NWD2: variants seen among roughly 807,000 people sequenced by gnomAD.
The protein encoded by NWD2 is NACHT and WD repeat domain-containing protein 2.
NWD2 carries 37 observed loss-of-function variants against 132.7 expected under a neutral mutation model. The ratio of observed to expected loss-of-function variants is 0.28; its 90% confidence interval spans 0.21 to 0.37. The LOEUF is 0.37. Among genes scored for constraint, NWD2 ranks in the 10% least tolerant of loss-of-function variants. The pLI is 1.00. For synonymous variants in NWD2, 705 were observed against 803.0 expected (o/e 0.88, Z 2.06); for missense variants, 1,592 against 2,122.4 (o/e 0.75, Z 4.91).
intron 3 of NWD2, among the ~76,000 whole-genome samples, chr4:37,374,258 T>C (rs1381477784): frequency 2.6e-5 from 4 of 152,342 alleles, no homozygotes; most frequent in Non-Finnish European, 4.4e-5. Flanking sequence ...ATGACACACC[T>C]GCTCCCCTTT....
At chr4:37,339,954 G>GTT (rs3028269) in intron 2 of NWD2, among the ~76,000 whole-genome samples, 6 of 126,690 alleles carry the variant, frequency 4.7e-5, no homozygotes, top group African/African-American at 5.8e-5. Context: ...GTTTCTGGTT[G>GTT]TTTTTTTTTT....
Position 37,446,808 on chromosome 4 carries a change from G to A in NWD2, c.4820G>A (p.Gly1607Asp). ...FSLIVMRLAD[G>D]KNIGACSLYK... ...TTAATTGTAATGAGACTGGCAGATG[G>A]CAAAAATATCGGTGCTTGTTCCCTT... Residue 1607 changes from glycine (G) to aspartate (D), a missense_variant, in exon 7 of 7, where the codon GGC becomes GAC. Gly to Asp is a moderately conservative substitution (Grantham distance 94). Coordinates refer to ENST00000309447, the MANE Select transcript of NWD2 (RefSeq NM_001144990.2). The surrounding 1 kb of genome is among the most constrained non-coding windows in gnomAD (Gnocchi z 6.7). 1 of 1,551,910 alleles carries A rather than the reference G, an allele frequency of 6.4e-7. No homozygotes were observed.
intron 3 of NWD2, among the ~76,000 whole-genome samples, chr4:37,404,116 A>T (rs1402240344): frequency 2.0e-5 from 3 of 152,194 alleles, no homozygotes; most frequent in Non-Finnish European, 4.4e-5. Flanking sequence ...ATAGAGAATA[A>T]TGGACAGGAT....
At chr4:37,354,075 A>G (rs1719823749) in intron 2 of NWD2, among the ~76,000 whole-genome samples, 1 of 151,898 alleles carries the variant, frequency 6.6e-6, no homozygotes, top group Non-Finnish European at 1.5e-5. Context: ...TCTGTTTGTT[A>G]GTTTTCCTTC....
intron 1 of NWD2, among the ~76,000 whole-genome samples, chr4:37,271,946 G>T (rs950346739): frequency 1.3e-5 from 2 of 151,692 alleles, no homozygotes; most frequent in African/African-American, 4.8e-5. Flanking sequence ...GTTTTTTGTA[G>T]TGCCCATTTA....
intron 1 of NWD2, among the ~76,000 whole-genome samples, chr4:37,259,989 T>C (rs1717596145): frequency 6.6e-6 from 1 of 152,222 alleles, no homozygotes; most frequent in Admixed American, 6.5e-5. Flanking sequence ...TCTGGCTGCA[T>C]TATGACTTTG....
chr4:37,290,721 T>G (rs1478051969), intron 1 of NWD2, among the ~76,000 whole-genome samples: 1 of 152,154 alleles, frequency 6.6e-6, no homozygotes, highest in Non-Finnish European at 1.5e-5. Context: ...AAAGGTGAAG[T>G]CTGCAGAAAG....
intron 1 of NWD2, among the ~76,000 whole-genome samples, chr4:37,278,655 A>G (rs925815546): frequency 2.0e-5 from 3 of 152,194 alleles, no homozygotes; most frequent in African/African-American, 7.2e-5. Flanking sequence ...GTTTTGATCA[A>G]TCCACCAGCC....
At position 37,447,208 on chromosome 4, in the gene NWD2, T is replaced by G. The variant is rs1712662497; in HGVS notation, c.5220T>G (p.Pro1740=). The G allele has an allele frequency of 1.9e-6, 3 of 1,543,956 alleles. No individual in the cohort carries two copies. Among genetic ancestry groups the G allele is most frequent in the Non-Finnish European group, 2.6e-6 (3 of 1,142,432 alleles). ...AAGCCAGGGGCCACAGCTATGCCCC[T>G]GATAACTGACAAAATGTTTTCCAGC... ...ALEARGHSYA[P]DN The change falls in exon 7 of 7, where the codon CCT becomes CCG. Residue 1740 remains proline, a synonymous_variant. Transcript: ENST00000309447.
intron 3 of NWD2, among the ~76,000 whole-genome samples, chr4:37,360,687 G>A (rs535440879): frequency 3.9e-5 from 6 of 152,106 alleles, no homozygotes; most frequent in African/African-American, 1.4e-4. Flanking sequence ...CCTACTTGTC[G>A]CATTCCCTAG....
intron 1 of NWD2, among the ~76,000 whole-genome samples, chr4:37,264,252 A>G (rs546970719): frequency 2.0e-5 from 3 of 152,270 alleles, no homozygotes; most frequent in Non-Finnish European, 4.4e-5. Flanking sequence ...TGGCTTTCTG[A>G]AGGTTAAATA....
intron 1 of NWD2, among the ~76,000 whole-genome samples, chr4:37,267,180 A>G (rs950604815): frequency 6.6e-6 from 1 of 152,080 alleles, no homozygotes; most frequent in Non-Finnish European, 1.5e-5. Flanking sequence ...GTACGGCTAG[A>G]AATAATAAAT....
rs148723963 is a variant in NWD2, at chr4:37,346,442, G to T, written c.241-9924G>T. Reference sequence around the variant, plus strand: ...TTTGTAGTAAGTTTGAAATCCAGAAGTGTGAGTTCTTCAACTTTATTCTTC... The same window carrying T: ...TTTGTAGTAAGTTTGAAATCCAGAATTGTGAGTTCTTCAACTTTATTCTTC... On this transcript the variant is annotated intron_variant, in intron 2 of 6. Transcript: ENST00000309447. 1.6e-3 allele frequency among the ~76,000 whole-genome samples: 250 copies of T among 152,294 alleles called. 2 individuals carry two copies. The highest frequency in any genetic ancestry group is 5.7e-3 in the African/African-American group (235 of 41,572).
intron 3 of NWD2, among the ~76,000 whole-genome samples, chr4:37,364,283 C>T (rs1328667752): frequency 6.6e-6 from 1 of 152,208 alleles, no homozygotes. Flanking sequence ...CATCTCACTA[C>T]AGTTCCTCAA....
At position 37,245,211 on chromosome 4, in the gene NWD2, C is replaced by T; in HGVS notation, c.144C>T (p.Asn48=). Residue 48 remains asparagine, a synonymous_variant, in exon 1 of 7, where the codon AAC becomes AAT. Coordinates refer to ENST00000309447, the MANE Select transcript of NWD2 (RefSeq NM_001144990.2). Reference sequence around the variant, plus strand: ...GCGTCCGGGTCTTCATCAGCGCCAACCCTGAAGGTACGTCCCTCGCTCGGG... The same window carrying T: ...GCGTCCGGGTCTTCATCAGCGCCAATCCTGAAGGTACGTCCCTCGCTCGGG... The part of the protein sequence containing the change: ...GRSVRVFISA[N]PEDTGAERQA... 6.5e-7 allele frequency: 1 copy of T among 1,538,776 alleles called. No homozygotes were observed. Among genetic ancestry groups the T allele is most frequent in the South Asian group, 1.2e-5 (1 of 83,574 alleles).
chr4:37,286,356 T>A (rs1482435005), intron 1 of NWD2, among the ~76,000 whole-genome samples: 1 of 152,212 alleles, frequency 6.6e-6, no homozygotes, highest in East Asian at 1.9e-4. Flanking sequence ...TCCTTAATGC[T>A]TGAGTTAGCT....
At chr4:37,276,751 G>T (rs865850717) in intron 1 of NWD2, among the ~76,000 whole-genome samples, 1 of 152,050 alleles carries the variant, frequency 6.6e-6, no homozygotes. Context: ...GTCCAACAAT[G>T]ATAGATTGGA....
At chr4:37,370,016 C>T (rs1416052962) in intron 3 of NWD2, among the ~76,000 whole-genome samples, 7 of 152,116 alleles carry the variant, frequency 4.6e-5, no homozygotes, top group South Asian at 4.1e-4. Flanking sequence ...AGCATCTGTG[C>T]GGGATGTGCA....
Position 37,278,033 on chromosome 4 carries a change from A to G in NWD2, c.151+32815A>G, listed in dbSNP as rs1718059147. ...TTTTAGGTCAGTTTTCCTAGGGGTCATCTCATATGTCTGTGTAGTTTGGTG... is the reference window on the plus strand; with the variant it reads ...TTTTAGGTCAGTTTTCCTAGGGGTCGTCTCATATGTCTGTGTAGTTTGGTG... On this transcript the variant is annotated intron_variant, in intron 1 of 6. Transcript: ENST00000309447. 2.0e-5 allele frequency among the ~76,000 whole-genome samples: 3 copies of G among 152,138 alleles called. 1 individual carries two copies. Among genetic ancestry groups the G allele is most frequent in the South Asian group, 4.1e-4 (2 of 4,828 alleles).
Sources: gnomAD v4.1 joint callset for allele counts (sites outside exome capture counted in the v4.1 genomes callset) on GRCh38, gnomAD v4.1.1 for gene constraint, Gnocchi (gnomAD v3.1) non-coding constraint, MANE v1.5 for transcripts, NCBI Gene and HGNC (gene_info 2026-07-23, HGNC 2026-07-21) for gene names.